Variants in ROBO2 observed in about 807,000 individuals in gnomAD.
ROBO2 encodes roundabout homolog 2.
Under a neutral mutation model 160.8 loss-of-function variants are expected in ROBO2, and 53 were observed. That is an observed-to-expected ratio of 0.33 (90% CI 0.26 to 0.41). ROBO2 has a LOEUF of 0.41. Among genes scored for constraint, ROBO2 ranks in the 10% least tolerant of loss-of-function variants. The pLI, the probability that ROBO2 is intolerant of heterozygous loss-of-function variation, is 1.00. For synonymous variants in ROBO2, 664 were observed against 611.7 expected, an observed-to-expected ratio of 1.09 and a Z score of -1.26; for missense variants, 1,577 against 1,722.4, an observed-to-expected ratio of 0.92 and a Z score of 1.49.
chr3:76,088,344 G>A (rs1001800503), intron 2 of ROBO2, among the ~76,000 whole-genome samples: 1 of 152,014 alleles, frequency 6.6e-6, no homozygotes, highest in East Asian at 1.9e-4. Flanking sequence ...TAAGGACATA[G>A]ATGTACAGCA....
intron 2 of ROBO2, among the ~76,000 whole-genome samples, chr3:76,837,312 A>G (rs1394220903): frequency 1.3e-5 from 2 of 151,942 alleles, no homozygotes; most frequent in African/African-American, 4.8e-5. Context: ...CCATTCACTA[A>G]TATGTTAACT....
intron 2 of ROBO2, among the ~76,000 whole-genome samples, chr3:76,848,708 AAG>A (rs1282704878): frequency 6.6e-6 from 1 of 152,150 alleles, no homozygotes; most frequent in Non-Finnish European, 1.5e-5. Context: ...GAGAGGGAGA[AAG>A]AGAGTCTCTA....
intron 2 of ROBO2, among the ~76,000 whole-genome samples, chr3:77,377,364 T>C (rs1349996724): frequency 6.6e-6 from 1 of 152,226 alleles, no homozygotes; most frequent in Non-Finnish European, 1.5e-5. Context: ...CAAATTCATA[T>C]ACTGTGTAAA....
chr3:76,464,494 G>A (rs913821129), intron 2 of ROBO2, among the ~76,000 whole-genome samples: 3 of 151,262 alleles, frequency 2.0e-5, no homozygotes, highest in Admixed American at 6.6e-5. Flanking sequence ...CTCTCTCTAG[G>A]AACTCCTCTC....
At chr3:77,532,246 G>A (rs1181600051) in intron 6 of ROBO2, among the ~76,000 whole-genome samples, 1 of 151,200 alleles carries the variant, frequency 6.6e-6, no homozygotes, top group Non-Finnish European at 1.5e-5. Context: ...TGGTAAAAAT[G>A]TCCTATTGTC....
intron 2 of ROBO2, among the ~76,000 whole-genome samples, chr3:76,438,375 G>T (rs921121327): frequency 6.7e-6 from 1 of 150,026 alleles, no homozygotes; most frequent in African/African-American, 2.5e-5. Context: ...CTAACTTGGG[G>T]CCACTTTGAC....
intron 1 of ROBO2, among the ~76,000 whole-genome samples, chr3:77,065,359 A>G (rs969354620): frequency 6.6e-6 from 1 of 152,218 alleles, no homozygotes; most frequent in Admixed American, 6.5e-5. Context: ...TTTTCTTAAC[A>G]AGTAATGAAT....
At chr3:76,583,744 C>T (rs1439896125) in intron 2 of ROBO2, among the ~76,000 whole-genome samples, 1 of 152,060 alleles carries the variant, frequency 6.6e-6, no homozygotes, top group Non-Finnish European at 1.5e-5. Flanking sequence ...TCCATTCCTG[C>T]TACGTGCAAA....
chr3:77,598,109 A>G (rs189961810), intron 19 of ROBO2, among the ~76,000 whole-genome samples: 1 of 152,266 alleles, frequency 6.6e-6, no homozygotes, highest in African/African-American at 2.4e-5. Flanking sequence ...CACTTTTAGA[A>G]TTAATGAAGG....
intron 2 of ROBO2, among the ~76,000 whole-genome samples, chr3:76,706,778 T>C (rs902722608): frequency 1.3e-5 from 2 of 152,066 alleles, no homozygotes; most frequent in African/African-American, 4.8e-5. Context: ...AGTTAAGTGT[T>C]TGCAACATAT....
chr3:77,439,886 C>G (rs1173593937), intron 2 of ROBO2, among the ~76,000 whole-genome samples: 1 of 152,120 alleles, frequency 6.6e-6, no homozygotes, highest in African/African-American at 2.4e-5. Flanking sequence ...CATACCTCAT[C>G]TCTTAAGTGG....
intron 2 of ROBO2, among the ~76,000 whole-genome samples, chr3:77,311,925 A>G (rs1294878267): frequency 9.2e-5 from 14 of 152,054 alleles, no homozygotes. Context: ...CGTCTCTACT[A>G]AAAATATAAA....
intron 2 of ROBO2, among the ~76,000 whole-genome samples, chr3:76,260,738 A>G (rs887382061): frequency 6.6e-6 from 1 of 152,126 alleles, no homozygotes; most frequent in Non-Finnish European, 1.5e-5. Context: ...TTCAAAAACA[A>G]TTTCAAAGGA....
At chr3:76,268,502 C>T (rs1229531107) in intron 2 of ROBO2, among the ~76,000 whole-genome samples, 2 of 152,074 alleles carry the variant, frequency 1.3e-5, no homozygotes, top group Admixed American at 1.3e-4. Context: ...TTGCAGATGG[C>T]CACCCTCTTG....
At chr3:76,454,202 A>G (rs1415054186) in intron 2 of ROBO2, among the ~76,000 whole-genome samples, 1 of 152,168 alleles carries the variant, frequency 6.6e-6, no homozygotes, top group African/African-American at 2.4e-5. Context: ...ACTGCTATCA[A>G]AAGCACACAC....
chr3:76,993,126 C>T (rs1476839553), intron 2 of ROBO2, among the ~76,000 whole-genome samples: 4 of 152,034 alleles, frequency 2.6e-5, no homozygotes, highest in East Asian at 1.9e-4. Flanking sequence ...CCTAAAATCT[C>T]GAAAGTTTTT....
chr3:76,307,524 G>A (rs1516470), intron 2 of ROBO2, among the ~76,000 whole-genome samples: 3,124 of 151,630 alleles, frequency 0.021, 68 homozygotes, highest in South Asian at 0.1. Context: ...TGCCTCTCTC[G>A]GTGGACCTTC....
At chr3:76,434,444 C>T in intron 2 of ROBO2, 6 of 1,554,324 alleles carry the variant, frequency 3.9e-6, no homozygotes, top group Admixed American at 1.7e-5. Context: ...GGCCCCCAAG[C>T]CTGGCACTTA....
chr3:77,103,401 A>T (rs2072315127), intron 2 of ROBO2, among the ~76,000 whole-genome samples: 1 of 101,910 alleles, frequency 9.8e-6, no homozygotes, highest in African/African-American at 3.5e-5. Context: ...TCACATAGAA[A>T]CCAATCTTTT....
Sources: allele counts gnomAD v4.1 joint callset (sites outside exome capture counted in the v4.1 genomes callset), GRCh38; gene constraint gnomAD v4.1.1; transcripts MANE v1.5; gene names NCBI Gene and HGNC (gene_info 2026-07-23, HGNC 2026-07-21).